DHX35: variants seen among roughly 807,000 people sequenced by gnomAD.
The protein encoded by DHX35 is DEAH-box helicase 35.
Under a neutral mutation model 99.6 loss-of-function variants are expected in DHX35, and 84 were observed. The ratio of observed to expected loss-of-function variants is 0.84; its 90% CI spans 0.71 to 1.01. The LOEUF (loss-of-function observed/expected upper bound fraction) is 1.01. Among genes scored for constraint, DHX35 ranks in the 50% least tolerant of loss-of-function variants. DHX35 has a pLI of 0.00. For missense variants in DHX35, 852 were observed against 888.5 expected (o/e 0.96, Z 0.52); for synonymous variants, 331 against 316.2 (o/e 1.05, Z -0.50).
At position 39,038,592 on chromosome 20, in the gene DHX35, A is replaced by G. The variant is rs187677589; in HGVS notation, c.*49A>G. The G allele has an allele frequency of 7.0e-5, 111 of 1,586,568 alleles. No individual in the cohort carries two copies. The Admixed American group carries it at 2.0e-3, about 28-fold the overall frequency. On this transcript the variant is annotated 3_prime_UTR_variant, in exon 22 of 22. Transcript: ENST00000252011. ...AGGGACTGCTGGCGTCCTCTCCTCC[A>G]TGCTGCTGCCCCTGGTCCCAGGTGG...
chr20:39,016,574 G>A (rs1466131672), intron 14 of DHX35, among the ~76,000 whole-genome samples: 2 of 151,980 alleles, frequency 1.3e-5, no homozygotes, highest in South Asian at 4.2e-4. Flanking sequence ...CCACTTTTTG[G>A]CTGATATAAA....
chr20:39,015,509 G>A (rs189641051), intron 14 of DHX35, among the ~76,000 whole-genome samples: 19 of 152,194 alleles, frequency 1.2e-4, no homozygotes, highest in East Asian at 3.9e-4. Flanking sequence ...CCTTAATAGC[G>A]TTTATCTTGA....
At chr20:39,038,385 G>A in intron 21 of DHX35, 114 bp from the exon 22 acceptor site, 1 of 1,162,588 alleles carries the variant, frequency 8.6e-7, no homozygotes. Flanking sequence ...GCATTTACTG[G>A]GAAGGTGTGG....
chr20:39,024,599 G>T (rs1300159458), intron 17 of DHX35, among the ~76,000 whole-genome samples: 1 of 152,046 alleles, frequency 6.6e-6, no homozygotes, highest in Non-Finnish European at 1.5e-5. Flanking sequence ...CTAGAAAGTG[G>T]GTATAGGTCT....
chr20:39,010,620 C>G (rs555478946), intron 13 of DHX35, among the ~76,000 whole-genome samples: 24 of 152,280 alleles, frequency 1.6e-4, no homozygotes, highest in African/African-American at 5.3e-4. Context: ...CTGTTCTTGT[C>G]TGCTGGGGAA....
chr20:38,977,028 C>T (rs149510933), intron 3 of DHX35, among the ~76,000 whole-genome samples: 1 of 152,112 alleles, frequency 6.6e-6, no homozygotes, highest in African/African-American at 2.4e-5. Context: ...AGGCTGATTC[C>T]ATGTCTCGGC....
At chr20:39,030,944 C>T (rs572781819) in intron 20 of DHX35, among the ~76,000 whole-genome samples, 169 bp downstream of exon 20, 3 of 152,290 alleles carry the variant, frequency 2.0e-5, no homozygotes, top group Admixed American at 2.0e-4. Flanking sequence ...AGGCAGGTCA[C>T]CTGAGGTCAG....
chr20:38,965,590 A>T (rs1232332809), intron 1 of DHX35, among the ~76,000 whole-genome samples: 1 of 152,184 alleles, frequency 6.6e-6, no homozygotes, highest in African/African-American at 2.4e-5. Flanking sequence ...GGTCCACCTA[A>T]TTGTTATCAT....
At chr20:39,036,726 C>CAAAAAAA (rs60032935) in intron 21 of DHX35, among the ~76,000 whole-genome samples, 2 of 51,662 alleles carry the variant, frequency 3.9e-5, no homozygotes, top group Non-Finnish European at 7.2e-5. Flanking sequence ...ACTGTCCCCC[C>CAAAAAAA]AAAAAAAAAA....
chr20:38,990,254 A>G (rs533954037), intron 5 of DHX35, among the ~76,000 whole-genome samples: 44 of 152,346 alleles, frequency 2.9e-4, no homozygotes, highest in African/African-American at 1.1e-3. Context: ...TGTATGTGGC[A>G]GCTAGTACCA....
In DHX35 at chr20:39,006,351, A is replaced by T. The variant is rs767636502; in HGVS notation, c.1217A>T (p.Tyr406Phe). The T allele has an allele frequency of 2.5e-6, 4 of 1,614,044 alleles. No homozygotes were observed. Among genetic ancestry groups the T allele is most frequent in the Non-Finnish European group, 3.4e-6 (4 of 1,179,932 alleles). ...CGCTCGGGAAAATGTTATCGCCTTT[A>T]TACAGGTTAGTGTGGCTTTCCCTAA... ...RSRSGKCYRL[Y>F]TEEAFDKLPQ... Residue 406 changes from tyrosine (Y) to phenylalanine (F), a missense_variant, in exon 12 of 22, where the codon TAT becomes TTT. Transcript: ENST00000252011.
At chr20:39,017,928 A>T (rs746942836) in intron 14 of DHX35, among the ~76,000 whole-genome samples, 2 of 152,158 alleles carry the variant, frequency 1.3e-5, no homozygotes, top group Non-Finnish European at 2.9e-5. Context: ...TTTATAAAGG[A>T]AAGGTTTAAT....
chr20:38,967,725 CG>C (rs1038252935), intron 1 of DHX35, among the ~76,000 whole-genome samples: 1 of 152,150 alleles, frequency 6.6e-6, no homozygotes, highest in Admixed American at 6.5e-5. Context: ...AGCAAGAAGC[CG>C]GGGTGAAGAT....
intron 3 of DHX35, among the ~76,000 whole-genome samples, chr20:38,979,039 C>G (rs1168416893): frequency 1.3e-5 from 2 of 152,060 alleles, no homozygotes; most frequent in Admixed American, 6.5e-5. Context: ...CTGTTCTGTT[C>G]CATTGGTCTG....
chr20:39,015,237 G>T (rs2086766322), intron 14 of DHX35, among the ~76,000 whole-genome samples: 1 of 152,178 alleles, frequency 6.6e-6, no homozygotes, highest in South Asian at 2.1e-4. Context: ...CAGGATGTCA[G>T]ATCTTACCTC....
At chr20:39,009,301 C>T (rs1033157475) in intron 12 of DHX35, among the ~76,000 whole-genome samples, 5 of 152,184 alleles carry the variant, frequency 3.3e-5, no homozygotes, top group African/African-American at 1.2e-4. Flanking sequence ...CCAGAACCTT[C>T]TAGTTAGACC....
At chr20:38,990,652 C>T (rs979342899) in intron 5 of DHX35, among the ~76,000 whole-genome samples, 6 of 152,020 alleles carry the variant, frequency 3.9e-5, no homozygotes, top group African/African-American at 1.4e-4. Context: ...TTGTTTTAGT[C>T]ATTCTAAATA....
At chr20:39,032,061 T>A (rs758437641) in intron 20 of DHX35, among the ~76,000 whole-genome samples, 6 of 152,260 alleles carry the variant, frequency 3.9e-5, no homozygotes, top group Non-Finnish European at 7.3e-5. Flanking sequence ...AATTGGGGGC[T>A]TATATTTTTC....
At chr20:39,014,744 A>G (rs1236018006) in intron 13 of DHX35, 136 bp from the exon 14 acceptor site, 2 of 1,073,114 alleles carry the variant, frequency 1.9e-6, no homozygotes, top group Non-Finnish European at 2.8e-6. Flanking sequence ...AGGTGCCAAC[A>G]GCAAGAACAG....
Sources: gnomAD v4.1 joint callset for allele counts (sites outside exome capture counted in the v4.1 genomes callset) on GRCh38, gnomAD v4.1.1 for gene constraint, MANE v1.5 for transcripts, NCBI Gene and HGNC (gene_info 2026-07-23, HGNC 2026-07-21) for gene names.